Variants in MROH9 observed in about 807,000 individuals in gnomAD.
The protein encoded by MROH9 is maestro heat-like repeat-containing protein family member 9.
Under a neutral mutation model 98.2 loss-of-function variants are expected in MROH9, and 92 were observed. The ratio of observed to expected loss-of-function variants is 0.94; its 90% CI spans 0.79 to 1.11. MROH9 has a LOEUF of 1.11. MROH9 is among the 50% of genes most tolerant of loss of function. The pLI, the probability that MROH9 is intolerant of heterozygous loss-of-function variation, is 0.00. For missense variants in MROH9, 1,057 were observed against 1,014.8 expected, an observed-to-expected ratio of 1.04 and a Z score of -0.57; for synonymous variants, 397 against 368.9, an observed-to-expected ratio of 1.08 and a Z score of -0.87.
intron 20 of MROH9, among the ~76,000 whole-genome samples, chr1:171,035,313 A>G (rs938471714): frequency 2.0e-5 from 3 of 151,980 alleles, no homozygotes; most frequent in African/African-American, 7.2e-5. Flanking sequence ...AGTTCAAAAA[A>G]GAGAAAACAT....
chr1:171,016,439 A>G (rs1652330783), intron 17 of MROH9, 103 bp downstream of exon 17: 3 of 833,674 alleles, frequency 3.6e-6, no homozygotes, highest in Admixed American at 4.2e-5. Flanking sequence ...CAATAGGAGA[A>G]GAAGCCACCA....
intron 20 of MROH9, among the ~76,000 whole-genome samples, chr1:171,060,968 G>T (rs1418855703): frequency 6.6e-6 from 1 of 152,100 alleles, no homozygotes; most frequent in Non-Finnish European, 1.5e-5. Context: ...GATATTGTAA[G>T]ATATGCACCA....
At chr1:171,036,020 T>C (rs1397238879) in intron 20 of MROH9, among the ~76,000 whole-genome samples, 1 of 152,120 alleles carries the variant, frequency 6.6e-6, no homozygotes, top group Non-Finnish European at 1.5e-5. Flanking sequence ...GATGAATATA[T>C]TGATGTAGAT....
chr1:171,033,138 A>G (rs1652982330), intron 20 of MROH9, among the ~76,000 whole-genome samples: 1 of 152,240 alleles, frequency 6.6e-6, no homozygotes, highest in South Asian at 2.1e-4. Context: ...CAGCAGGGGA[A>G]AAGCACAGCC....
chr1:170,994,995 A>G (rs1651506080), intron 12 of MROH9, among the ~76,000 whole-genome samples: 1 of 151,868 alleles, frequency 6.6e-6, no homozygotes, highest in South Asian at 2.1e-4. Flanking sequence ...TGGTGACCTG[A>G]CCTGCCTTCC....
intron 20 of MROH9, among the ~76,000 whole-genome samples, chr1:171,048,971 A>C (rs1190842641): frequency 6.6e-6 from 1 of 152,182 alleles, no homozygotes; most frequent in Non-Finnish European, 1.5e-5. Context: ...ACAGGGCCTC[A>C]TGATTCTGAC....
intron 9 of MROH9, among the ~76,000 whole-genome samples, 159 bp downstream of exon 9, chr1:170,983,693 G>A (rs527244324): frequency 6.6e-6 from 1 of 151,932 alleles, no homozygotes; most frequent in African/African-American, 2.4e-5. Flanking sequence ...TTAGTTTTCT[G>A]ATTTTCATCT....
intron 8 of MROH9, among the ~76,000 whole-genome samples, 171 bp from the exon 9 acceptor site, chr1:170,983,251 C>G (rs946987046): frequency 3.5e-4 from 54 of 152,298 alleles, no homozygotes; most frequent in African/African-American, 1.3e-3. Context: ...TTTATGAATT[C>G]TGTGTGAGTG....
chr1:170,986,774 T>G, intron 10 of MROH9, 64 bp downstream of exon 10: 1 of 1,506,760 alleles, frequency 6.6e-7, no homozygotes, highest in Admixed American at 1.9e-5. Flanking sequence ...TTTTTGCCTG[T>G]GTTGTATGTC....
At chr1:170,972,843 C>T (rs868260677) in intron 8 of MROH9, among the ~76,000 whole-genome samples, 162 of 145,258 alleles carry the variant, frequency 1.1e-3, no homozygotes, top group African/African-American at 4.5e-3. Context: ...CACACACACA[C>T]ACACACACAC....
chr1:170,960,869 TCCTCCCA>T (rs1397871737), intron 5 of MROH9, among the ~76,000 whole-genome samples: 1 of 152,174 alleles, frequency 6.6e-6, no homozygotes, highest in African/African-American at 2.4e-5. Context: ...ACTCTAGCAA[TCCTCCCA>T]CCTTGGCCTC....
intron 20 of MROH9, among the ~76,000 whole-genome samples, chr1:171,040,080 C>T (rs561069389): frequency 4.1e-4 from 62 of 152,068 alleles, no homozygotes; most frequent in Admixed American, 1.7e-3. Context: ...ACCTAGAGGA[C>T]GTTAAAATAA....
chr1:170,969,057 A>G (rs1286360988), intron 7 of MROH9, among the ~76,000 whole-genome samples: 1 of 152,230 alleles, frequency 6.6e-6, no homozygotes, highest in African/African-American at 2.4e-5. Context: ...TACACATAGA[A>G]TTGCTATTTG....
At chr1:171,048,404 G>A (rs1653533445) in intron 20 of MROH9, among the ~76,000 whole-genome samples, 1 of 152,124 alleles carries the variant, frequency 6.6e-6, no homozygotes, top group African/African-American at 2.4e-5. Flanking sequence ...CAAAGGCAGA[G>A]GAGCCTCACC....
intron 15 of MROH9, chr1:170,998,573 G>A: frequency 7.3e-7 from 1 of 1,363,400 alleles, no homozygotes; most frequent in Non-Finnish European, 9.4e-7. Context: ...GATTGTTAAA[G>A]TATATTGAGG....
intron 1 of MROH9, among the ~76,000 whole-genome samples, chr1:170,936,880 A>T (rs1648905999): frequency 6.6e-6 from 1 of 151,602 alleles, no homozygotes; most frequent in Non-Finnish European, 1.5e-5. Context: ...AGATCTGTGT[A>T]GGGGGAAGCA....
At chr1:170,958,626 T>C in intron 4 of MROH9, 86 bp downstream of exon 4, 3 of 938,276 alleles carry the variant, frequency 3.2e-6, no homozygotes, top group Non-Finnish European at 1.6e-6. Flanking sequence ...TTGTGAAAGA[T>C]AAGAAATTAC....
chr1:171,057,935 C>T (rs1174775020), intron 20 of MROH9, among the ~76,000 whole-genome samples: 2 of 152,068 alleles, frequency 1.3e-5, no homozygotes, highest in Admixed American at 6.5e-5. Flanking sequence ...TTCATTACCA[C>T]CAGGCCTGCC....
At chr1:170,954,912 C>T (rs930554994) in intron 3 of MROH9, among the ~76,000 whole-genome samples, 1 of 151,958 alleles carries the variant, frequency 6.6e-6, no homozygotes, top group Non-Finnish European at 1.5e-5. Flanking sequence ...GTGCACCCAT[C>T]ATCTGAGCAG....
Sources: allele counts gnomAD v4.1 joint callset (sites outside exome capture counted in the v4.1 genomes callset), GRCh38; gene constraint gnomAD v4.1.1; transcripts MANE v1.5; gene names NCBI Gene and HGNC (gene_info 2026-07-23, HGNC 2026-07-21).